The following SANBR variants were observed in gnomAD, a reference collection of about 807,000 sequenced individuals.
SANBR encodes SANT and BTB domain regulator of CSR.
In SANBR, 77 loss-of-function variants were observed where a neutral mutation model predicts 101.8. The observed-to-expected ratio is 0.76, with a 90% CI of 0.63 to 0.91. The LOEUF (loss-of-function observed/expected upper bound fraction) is 0.91, where lower values mean the gene tolerates loss of function less well. Among genes scored for constraint, SANBR ranks in the 40% least tolerant of loss-of-function variants. SANBR has a pLI of 0.00. For missense variants in SANBR, 875 were observed against 853.0 expected (o/e 1.03, Z -0.32); for synonymous variants, 279 against 274.7 (o/e 1.02, Z -0.15).
In SANBR at chr2:61,097,784, G is replaced by C. The variant is rs559557674; in HGVS notation, c.1297G>C (p.Val433Leu). 8.7e-6 allele frequency: 14 copies of C among 1,613,266 alleles called. No individual in the cohort carries two copies. The South Asian group carries it at 1.3e-4, about 15-fold the overall frequency. The change falls in exon 12 of 22, where the codon GTT becomes CTT. Residue 433 changes from valine (V) to leucine (L), a missense_variant. Transcript: ENST00000402291. ...YPTAASSLNTVGTGIYPCCNQ... is the reference protein window; with the variant it reads ...YPTAASSLNTLGTGIYPCCNQ... ...TACTGCAGCAAGTTCATTGAATACT[G>C]TTGGCACTGGAATTTATCCCTGCTG...
intron 20 of SANBR, among the ~76,000 whole-genome samples, chr2:61,131,361 G>A (rs769423519): frequency 6.6e-6 from 1 of 151,970 alleles, no homozygotes; most frequent in East Asian, 1.9e-4. Context: ...TCAGGATATA[G>A]GATCAATATG....
intron 10 of SANBR, 86 bp downstream of exon 10, chr2:61,088,554 C>T: frequency 1.1e-6 from 1 of 888,104 alleles, no homozygotes; most frequent in Non-Finnish European, 1.6e-6. Flanking sequence ...GAGTCTTACT[C>T]TGTCACCCAG....
chr2:61,084,391 T>C (rs984683516), intron 8 of SANBR, among the ~76,000 whole-genome samples: 1 of 152,198 alleles, frequency 6.6e-6, no homozygotes, highest in African/African-American at 2.4e-5. Flanking sequence ...AATGGCCATA[T>C]GAACATATCG....
chr2:61,117,739 G>T (rs766179046), intron 19 of SANBR, among the ~76,000 whole-genome samples, 199 bp downstream of exon 19: 31 of 152,320 alleles, frequency 2.0e-4, no homozygotes, highest in Non-Finnish European at 4.1e-4. Context: ...TTATGCATCT[G>T]TGGTTTTGAG....
intron 20 of SANBR, among the ~76,000 whole-genome samples, chr2:61,131,736 C>G (rs563572142): frequency 6.6e-6 from 1 of 152,138 alleles, no homozygotes; most frequent in Non-Finnish European, 1.5e-5. Context: ...ATAGCCAAAA[C>G]AATTTTGGAA....
chr2:61,066,621 G>A (rs1352327663), intron 1 of SANBR, among the ~76,000 whole-genome samples: 2 of 152,262 alleles, frequency 1.3e-5, no homozygotes, highest in East Asian at 1.9e-4. Context: ...TTAGGCCAGA[G>A]GCCTTTGACC....
intron 10 of SANBR, 128 bp from the exon 11 acceptor site, chr2:61,092,336 A>T (rs1447835964): frequency 1.0e-5 from 6 of 590,840 alleles, no homozygotes; most frequent in East Asian, 3.9e-5. Context: ...GTGAGCCAAG[A>T]TCATGCCATT....
In SANBR at chr2:61,122,991, A is replaced by G. The variant is rs1473869231; in HGVS notation, c.*829A>G. ...CCAACCATATTTCTGTAACCATTCA[A>G]ATAACTCCTTAAAACAGTTATACTT... On this transcript the variant is annotated 3_prime_UTR_variant, in exon 22 of 22. Transcript: ENST00000402291. The G allele has an allele frequency of 1.0e-6, 1 of 983,924 alleles. No homozygotes were observed. Among genetic ancestry groups the G allele is most frequent in the African/African-American group, 1.7e-5 (1 of 57,328 alleles). The allele number at this position is 983,924 out of a possible 1,614,324, so 60.9% of individuals were successfully genotyped here.
At chr2:61,095,299 T>C (rs1160411980) in intron 11 of SANBR, among the ~76,000 whole-genome samples, 1 of 152,198 alleles carries the variant, frequency 6.6e-6, no homozygotes, top group Non-Finnish European at 1.5e-5. Flanking sequence ...CTATTTATTA[T>C]AGAGCTCATA....
intron 5 of SANBR, among the ~76,000 whole-genome samples, chr2:61,074,611 C>G (rs987214801): frequency 6.6e-6 from 1 of 152,016 alleles, no homozygotes; most frequent in Non-Finnish European, 1.5e-5. Context: ...GCCATGGTGG[C>G]CGGCCTGGTC....
At chr2:61,132,467 A>G (rs1684717327) in intron 20 of SANBR, among the ~76,000 whole-genome samples, 1 of 152,240 alleles carries the variant, frequency 6.6e-6, no homozygotes, top group African/African-American at 2.4e-5. Context: ...CCACAGTGAG[A>G]TATCACTTTA....
chr2:61,078,130 A>G (rs1681890338), intron 6 of SANBR, among the ~76,000 whole-genome samples: 1 of 152,234 alleles, frequency 6.6e-6, no homozygotes, highest in South Asian at 2.1e-4. Context: ...TGTATAACTC[A>G]TTGAGCCAAC....
chr2:61,096,517 C>A (rs974591657), intron 11 of SANBR, among the ~76,000 whole-genome samples: 5 of 152,306 alleles, frequency 3.3e-5, no homozygotes, highest in African/African-American at 9.6e-5. Flanking sequence ...TGGTCTTCCC[C>A]ATCGCAAGCA....
At chr2:61,116,888 A>G (rs1206692457) in intron 17 of SANBR, among the ~76,000 whole-genome samples, 1 of 151,958 alleles carries the variant, frequency 6.6e-6, no homozygotes, top group Admixed American at 6.6e-5. Context: ...CCCCATTTCT[A>G]CTAAAAAAAA....
In SANBR at chr2:61,137,961, CTTAAGT is replaced by C. The variant is rs1459229408; in HGVS notation, c.*546_*551del. 7.2e-5 allele frequency: 11 copies of C among 152,232 alleles called. No homozygotes were observed. The East Asian group carries it at 7.7e-4, about 11-fold the overall frequency. 9.4% of individuals were successfully genotyped at this position (152,232 alleles called of 1,614,324 possible). ...GAATTATATATTTTGATTCAGGTAGCTTAAGTTTATTTTAGCTACTCAGTAGTAATG... is the reference window on the plus strand; with the variant it reads ...GAATTATATATTTTGATTCAGGTAGCTTATTTTAGCTACTCAGTAGTAATG... On this transcript the variant is annotated 3_prime_UTR_variant, in exon 22 of 22. Transcript: ENST00000295031.
At chr2:61,129,670 G>C (rs1684626342) in intron 20 of SANBR, among the ~76,000 whole-genome samples, 2 of 151,988 alleles carry the variant, frequency 1.3e-5, no homozygotes, top group African/African-American at 4.8e-5. Context: ...AGCTATATTG[G>C]ACTAAGGAAA....
At chr2:61,107,849 G>A (rs1418321913) in intron 14 of SANBR, among the ~76,000 whole-genome samples, 3 of 150,276 alleles carry the variant, frequency 2.0e-5, no homozygotes, top group Non-Finnish European at 4.4e-5. Flanking sequence ...TCGTGTCACT[G>A]CACTCCAGCC....
At chr2:61,101,301 C>T (rs561732150) in intron 12 of SANBR, among the ~76,000 whole-genome samples, 1 of 152,266 alleles carries the variant, frequency 6.6e-6, no homozygotes, top group South Asian at 2.1e-4. Flanking sequence ...TTCTTTCTAA[C>T]CACATTAATT....
chr2:61,070,717 ATATT>A (rs1461582194), intron 3 of SANBR, among the ~76,000 whole-genome samples: 1 of 147,364 alleles, frequency 6.8e-6, no homozygotes, highest in Non-Finnish European at 1.5e-5. Flanking sequence ...TATAGTATAT[ATATT>A]TATATATAAT....
Sources: allele counts gnomAD v4.1 joint callset (sites outside exome capture counted in the v4.1 genomes callset), GRCh38; gene constraint gnomAD v4.1.1; transcripts MANE v1.5; gene names NCBI Gene and HGNC (gene_info 2026-07-23, HGNC 2026-07-21).